TMEM138: variants seen among roughly 807,000 people sequenced by gnomAD.
TMEM138 encodes the protein transmembrane protein 138.
Under a neutral mutation model 18.1 loss-of-function variants are expected in TMEM138, and 9 were observed. The observed-to-expected ratio is 0.50, with a 90% CI of 0.30 to 0.87. TMEM138 has a LOEUF of 0.87. Ranked by LOEUF, TMEM138 falls within the 40% of genes least tolerant of loss-of-function variation. The pLI is 0.06. For missense variants in TMEM138, 189 were observed against 190.6 expected, an observed-to-expected ratio of 0.99 and a Z score of 0.05; for synonymous variants, 79 against 74.8, an observed-to-expected ratio of 1.06 and a Z score of -0.29.
chr11:61,374,141 TC>T (rs1426214629), downstream of TMEM138, among the ~76,000 whole-genome samples: 24 of 140,260 alleles, frequency 1.7e-4, no homozygotes, highest in Middle Eastern at 4.0e-3. Flanking sequence ...CTGCGCCCAG[TC>T]CTTTTTTTTT....
intron 4 of TMEM138, chr11:61,368,382 CGCCCA>C (rs1858229744): frequency 3.8e-6 from 2 of 522,352 alleles, no homozygotes; most frequent in East Asian, 6.9e-5. Context: ...CCCGCCACCA[CGCCCA>C]GCTAATTTTT....
rs1458624471 is a variant in TMEM138 at position 61,367,798 on chromosome 11, G to A, written c.301-125G>A. On this transcript the variant is annotated intron_variant, in intron 3 of 4. Transcript: ENST00000278826. ...GGCTCCTTCGAGAAACGCTCCTTGG[G>A]GTTGTAGAAAGGAGGAAGAGGTTAG... The A allele has an allele frequency of 8.7e-6, 6 of 691,016 alleles. No homozygotes were observed. In the Admixed American group the frequency reaches 1.3e-4, roughly 15 times the overall value. 42.8% of individuals were successfully genotyped at this position (691,016 alleles called of 1,614,324 possible).
At chr11:61,366,321 C>T (rs1197517643) in intron 3 of TMEM138, 105 bp downstream of exon 3, 1 of 1,291,864 alleles carries the variant, frequency 7.7e-7, no homozygotes, top group Non-Finnish European at 1.0e-6. Context: ...TCAAGCAATT[C>T]TCCTGCTTCT....
At chr11:61,365,885 A>G (rs945285349) in intron 2 of TMEM138, 160 bp from the exon 3 acceptor site, 3 of 873,706 alleles carry the variant, frequency 3.4e-6, no homozygotes, top group African/African-American at 1.7e-5. Flanking sequence ...GCTTCATGTC[A>G]TTCAGGTCCC....
downstream of TMEM138, among the ~76,000 whole-genome samples, chr11:61,374,929 C>T (rs1436100914): frequency 6.6e-6 from 1 of 152,160 alleles, no homozygotes; most frequent in Non-Finnish European, 1.5e-5. Flanking sequence ...TGAACTTCAG[C>T]CTGGTGTCAG....
intron 2 of TMEM138, chr11:61,364,730 C>G: frequency 2.0e-6 from 1 of 507,342 alleles, no homozygotes; most frequent in Non-Finnish European, 3.3e-6. Context: ...TCTCTACCTA[C>G]TAAAAATTTT....
At chr11:61,372,956 AT>A (rs1203435477), downstream of TMEM138, among the ~76,000 whole-genome samples, 1 of 152,108 alleles carries the variant, frequency 6.6e-6, no homozygotes, top group African/African-American at 2.4e-5. Context: ...AAAAAAACAG[AT>A]TAAAAAAAAA....
chr11:61,372,717 T>C (rs950619402), downstream of TMEM138, among the ~76,000 whole-genome samples: 1 of 150,938 alleles, frequency 6.6e-6, no homozygotes, highest in African/African-American at 2.4e-5. Flanking sequence ...ACCTGGGAGG[T>C]GGAGCTTGCA....
At chr11:61,376,325 G>C (rs1049819190), downstream of TMEM138, among the ~76,000 whole-genome samples, 1 of 151,948 alleles carries the variant, frequency 6.6e-6, no homozygotes, top group African/African-American at 2.4e-5. Flanking sequence ...CTCCAGCCTG[G>C]ATGACAGAGC....
rs371452569 is a variant in TMEM138 at position 61,368,720 on chromosome 11, C to T, written c.*11C>T. 55 of 1,597,186 alleles carry T rather than the reference C, an allele frequency of 3.4e-5. No individual in the cohort carries two copies. Among genetic ancestry groups the T allele is most frequent in the Admixed American group, 5.0e-5 (3 of 59,982 alleles). On this transcript the variant is annotated 3_prime_UTR_variant, in exon 5 of 5. Coordinates refer to ENST00000278826, the MANE Select transcript of TMEM138 (RefSeq NM_016464.5). ...CAAGTTCGAAGGTGACCTCTTGTCA[C>T]ACTGATGGATACTTTTCCTTCCTGA...
Position 61,364,381 on chromosome 11 carries a change from C to A in TMEM138, c.-10C>A. ...ATGTGCCCTTGGGGGCCCGAGAAAACAGAAGGAAGATGCTCCAGACCAGTA... is the reference window on the plus strand; with the variant it reads ...ATGTGCCCTTGGGGGCCCGAGAAAAAAGAAGGAAGATGCTCCAGACCAGTA... On this transcript the variant is annotated 5_prime_UTR_variant, in exon 2 of 5. Transcript: ENST00000278826. 1 of 1,613,730 alleles carries A rather than the reference C, an allele frequency of 6.2e-7. No individual in the cohort carries two copies. The highest frequency in any genetic ancestry group is 8.5e-7 in the Non-Finnish European group (1 of 1,179,758).
At chr11:61,374,147 T>C (rs1471577737), downstream of TMEM138, among the ~76,000 whole-genome samples, 8 of 146,540 alleles carry the variant, frequency 5.5e-5, no homozygotes, top group Non-Finnish European at 1.1e-4. Context: ...CCAGTCCTTT[T>C]TTTTTTTTTT....
rs1016496877 is a variant in TMEM138, at chr11:61,366,067, T to A, written c.151T>A (p.Phe51Ile). The A allele has an allele frequency of 2.5e-6, 4 of 1,613,940 alleles. No homozygotes were observed. The highest frequency in any genetic ancestry group is 3.4e-6 in the Non-Finnish European group (4 of 1,179,928). The change falls in exon 3 of 5, where the codon TTC becomes ATC. Residue 51 changes from phenylalanine (F) to isoleucine (I), a missense_variant. Phe to Ile is a conservative substitution (Grantham distance 21, BLOSUM62 0). Coordinates refer to ENST00000278826, the MANE Select transcript of TMEM138 (RefSeq NM_016464.5). ...LFIIQDIAVL[F>I]NIIIIFLMFF... ...CAGCATCCAGGATATTGCAGTCCTC[T>A]TCAACATCATCATCATTTTCCTCAT...
At chr11:61,373,203 A>C (rs966597266), downstream of TMEM138, among the ~76,000 whole-genome samples, 1 of 152,198 alleles carries the variant, frequency 6.6e-6, no homozygotes, top group African/African-American at 2.4e-5. Flanking sequence ...CAACTCCTCA[A>C]GGCCCAGGGA....
chr11:61,370,452 G>A (rs1422438008), downstream of TMEM138, among the ~76,000 whole-genome samples: 1 of 152,228 alleles, frequency 6.6e-6, no homozygotes, highest in Non-Finnish European at 1.5e-5. Context: ...GTTGATGATA[G>A]TGGATACATC....
downstream of TMEM138, among the ~76,000 whole-genome samples, chr11:61,373,127 C>T (rs1051704211): frequency 6.6e-6 from 1 of 152,084 alleles, no homozygotes; most frequent in African/African-American, 2.4e-5. Flanking sequence ...TCTTCACGCC[C>T]GGTAGAAGAT....
chr11:61,365,764 C>T (rs1288996731), intron 2 of TMEM138: 1 of 286,974 alleles, frequency 3.5e-6, no homozygotes. Flanking sequence ...TTCTATAGGA[C>T]TATGTATGGA....
intron 2 of TMEM138, 72 bp from the exon 3 acceptor site, chr11:61,365,973 C>T (rs1440972097): frequency 1.3e-6 from 2 of 1,538,670 alleles, no homozygotes; most frequent in African/African-American, 2.8e-5. Flanking sequence ...CGTGGTGTCC[C>T]TCAGGACATA....
rs1858141447 is a variant in TMEM138 at position 61,366,131 on chromosome 11, A to G, written c.215A>G (p.Asn72Ser). 6.2e-7 allele frequency: 1 copy of G among 1,614,090 alleles called. No individual in the cohort carries two copies. Among genetic ancestry groups the G allele is most frequent in the Non-Finnish European group, 8.5e-7 (1 of 1,180,014 alleles). The change falls in exon 3 of 5, where the codon AAC becomes AGC. Residue 72 changes from asparagine to serine, a missense_variant. Coordinates refer to ENST00000278826, the MANE Select transcript of TMEM138 (RefSeq NM_016464.5). Reference protein sequence around the residue: ...NTFVFQAGLVNLLFHKFKGTI... With the variant: ...NTFVFQAGLVSLLFHKFKGTI... ...TTCGTCTTCCAGGCTGGCCTGGTCAACCTCCTATTCCATAAGTTCAAAGGG... is the reference window on the plus strand; with the variant it reads ...TTCGTCTTCCAGGCTGGCCTGGTCAGCCTCCTATTCCATAAGTTCAAAGGG...
Sources: gnomAD v4.1 joint callset for allele counts (sites outside exome capture counted in the v4.1 genomes callset) on GRCh38, gnomAD v4.1.1 for gene constraint, MANE v1.5 for transcripts, NCBI Gene and HGNC (gene_info 2026-07-23, HGNC 2026-07-21) for gene names.